Variants in ADGRF4 observed in about 807,000 individuals in gnomAD.
The protein encoded by ADGRF4 is G-protein coupled receptor PGR18.
ADGRF4 carries 63 observed loss-of-function variants against 58.5 expected under a neutral mutation model. The ratio of observed to expected loss-of-function variants is 1.08; its 90% CI spans 0.88 to 1.33. The LOEUF is 1.33. Among genes scored for constraint, ADGRF4 ranks in the 40% most tolerant of loss-of-function variants. ADGRF4 has a pLI of 0.00. For missense variants in ADGRF4, 931 were observed against 843.9 expected (o/e 1.10, Z -1.28); for synonymous variants, 313 against 295.4 (o/e 1.06, Z -0.61).
chr6:47,722,001 A>G lies in ADGRF4; in HGVS notation c.*796A>G, dbSNP rs2113913107. On this transcript the variant is annotated 3_prime_UTR_variant, in exon 10 of 10. Coordinates refer to ENST00000283303, the MANE Select transcript of ADGRF4 (RefSeq NM_153838.5). ...GTTGTTATTTTAGACATAAACGAAT[A>G]TATGTACCTTTCACAACTTGCGCAT... The G allele has an allele frequency of 6.6e-6, 1 of 152,308 alleles. No homozygotes were observed. The highest frequency in any genetic ancestry group is 1.5e-5 in the Non-Finnish European group (1 of 68,028). 9.4% of individuals were successfully genotyped at this position (152,308 alleles called of 1,614,324 possible). A position where few individuals can be genotyped will look rare whatever the true frequency, so the allele number is the denominator to read the frequency against.
At chr6:47,719,539 TAG>T (rs1177508551) in intron 9 of ADGRF4, among the ~76,000 whole-genome samples, 1 of 152,180 alleles carries the variant, frequency 6.6e-6, no homozygotes, top group East Asian at 1.9e-4. Flanking sequence ...TTGCCACTAA[TAG>T]AGAGTCATTA....
chr6:47,711,914 G>T (rs983039553), intron 4 of ADGRF4, among the ~76,000 whole-genome samples: 2 of 152,166 alleles, frequency 1.3e-5, no homozygotes, highest in African/African-American at 4.8e-5. Flanking sequence ...CATTCTGAGT[G>T]AGTCTAGGTA....
intron 1 of ADGRF4, among the ~76,000 whole-genome samples, chr6:47,704,002 TG>T (rs1771648096): frequency 6.6e-6 from 1 of 151,904 alleles, no homozygotes; most frequent in African/African-American, 2.4e-5. Flanking sequence ...TTAAAGGTAA[TG>T]GACAGTAAAC....
intron 4 of ADGRF4, 56 bp from the exon 5 acceptor site, chr6:47,712,301 T>G (rs914180894): frequency 1.7e-5 from 27 of 1,563,538 alleles, no homozygotes; most frequent in Non-Finnish European, 2.3e-5. Flanking sequence ...TCCTTTAGTC[T>G]GATACATGGT....
chr6:47,706,331 A>G (rs1771708863), intron 1 of ADGRF4, among the ~76,000 whole-genome samples: 1 of 152,200 alleles, frequency 6.6e-6, no homozygotes, highest in Non-Finnish European at 1.5e-5. Flanking sequence ...ATGGCAAAAG[A>G]ATAGAGAGTT....
At chr6:47,698,856 A>G (rs916475537) in intron 1 of ADGRF4, 62 bp downstream of exon 1, 4 of 152,146 alleles carry the variant, frequency 2.6e-5, no homozygotes, top group African/African-American at 7.2e-5. Flanking sequence ...TTTTGCACAT[A>G]TTCCAGGAGG....
intron 9 of ADGRF4, among the ~76,000 whole-genome samples, chr6:47,720,310 G>A (rs977257463): frequency 1.3e-5 from 2 of 152,134 alleles, no homozygotes; most frequent in African/African-American, 4.8e-5. Flanking sequence ...GCTGAACCAC[G>A]AGGGAAGGCA....
At chr6:47,699,542 T>A (rs1295687355) in intron 1 of ADGRF4, among the ~76,000 whole-genome samples, 1 of 152,252 alleles carries the variant, frequency 6.6e-6, no homozygotes, top group African/African-American at 2.4e-5. Context: ...TCTGAAATTA[T>A]GTGATTCTTG....
intron 6 of ADGRF4, 156 bp downstream of exon 6, chr6:47,715,333 G>A (rs1173320840): frequency 3.3e-6 from 2 of 606,746 alleles, no homozygotes; most frequent in Admixed American, 6.3e-5. Context: ...TGATTGTCAA[G>A]TTGAATTTAG....
rs761435040 is a variant in ADGRF4, at chr6:47,714,430, G to C, written c.1185G>C (p.Ser395=). 2 of 1,614,062 alleles carry C rather than the reference G, an allele frequency of 1.2e-6. No individual in the cohort carries two copies. Among genetic ancestry groups the C allele is most frequent in the Non-Finnish European group, 1.7e-6 (2 of 1,180,020 alleles). ...MSFSILMSSK[S]MTDKVLDYIT... is the part of the protein sequence containing the mutation. ...TTTCCATTCTCATGTCCTCCAAATCGATGACCGACAAAGTTCTGGACTACA... is the reference window on the plus strand; with the variant it reads ...TTTCCATTCTCATGTCCTCCAAATCCATGACCGACAAAGTTCTGGACTACA... The change falls in exon 6 of 10, where the codon TCG becomes TCC. Residue 395 remains serine, a synonymous_variant. Transcript: ENST00000283303.
chr6:47,719,852 G>A lies in ADGRF4; in HGVS notation c.*4-1357G>A, dbSNP rs141679214. Among the ~76,000 whole-genome samples, 66 of 152,326 alleles carry A rather than the reference G, an allele frequency of 4.3e-4. 1 individual carries two copies. The highest frequency in any genetic ancestry group is 8.1e-4 in the Non-Finnish European group (55 of 68,016). On this transcript the variant is annotated intron_variant, in intron 9 of 9. Coordinates refer to ENST00000283303, the MANE Select transcript of ADGRF4 (RefSeq NM_153838.5). ...CTGCCAGTATTAGAAGGAAGTCCAG[G>A]AAGGAGGTGGAATGCCCTTACAATA...
rs772663903 is a variant in ADGRF4, at chr6:47,714,423, C to T, written c.1178C>T (p.Ser393Phe). ...VVMSFSILMSSKSMTDKVLDY... is the reference protein window; with the variant it reads ...VVMSFSILMSFKSMTDKVLDY... The stretch of plus-strand genomic sequence containing the variant: ...ATGTCTTTTTCCATTCTCATGTCCT[C>T]CAAATCGATGACCGACAAAGTTCTG... Residue 393 changes from serine (S) to phenylalanine (F), a missense_variant, in exon 6 of 10, where the codon TCC becomes TTC. Physicochemically the swap from Ser to Phe is radical, Grantham distance 155 (BLOSUM62 -2). Transcript: ENST00000283303. 6.2e-7 allele frequency: 1 copy of T among 1,614,088 alleles called. No homozygotes were observed. Among genetic ancestry groups the T allele is most frequent in the East Asian group, 2.2e-5 (1 of 44,856 alleles).
intron 1 of ADGRF4, among the ~76,000 whole-genome samples, chr6:47,701,611 A>G (rs1771588781): frequency 6.6e-6 from 1 of 152,090 alleles, no homozygotes; most frequent in Admixed American, 6.5e-5. Flanking sequence ...TTAATTCTTC[A>G]TTTCTGAAAC....
At chr6:47,704,315 G>A (rs958005253) in intron 1 of ADGRF4, among the ~76,000 whole-genome samples, 2 of 152,136 alleles carry the variant, frequency 1.3e-5, no homozygotes, top group African/African-American at 4.8e-5. Context: ...ACAGGGATGA[G>A]CCACTGCACC....
At chr6:47,715,839 T>C (rs1324341148) in intron 6 of ADGRF4, among the ~76,000 whole-genome samples, 1 of 152,176 alleles carries the variant, frequency 6.6e-6, no homozygotes, top group Non-Finnish European at 1.5e-5. Context: ...TTTAAAAGCA[T>C]GATACAAAAT....
intron 1 of ADGRF4, among the ~76,000 whole-genome samples, chr6:47,706,983 G>A (rs6938029): frequency 0.57 from 87,090 of 152,112 alleles, 25,764 homozygotes; most frequent in Middle Eastern, 0.69. Flanking sequence ...AACTACATCC[G>A]TTCTGGTTCT....
In ADGRF4 at chr6:47,699,768, C is replaced by A. The variant is rs190952007; in HGVS notation, c.-17+974C>A. The stretch of plus-strand genomic sequence containing the variant: ...AACTAAATAGATTCTGCTATGAGGG[C>A]AAGAGATACTGGGTCTTAAACACAT... On this transcript the variant is annotated intron_variant, in intron 1 of 9. Transcript: ENST00000283303. Among the ~76,000 whole-genome samples the A allele has an allele frequency of 1.5e-3, 225 of 152,226 alleles. 1 individual carries two copies. The highest frequency in any genetic ancestry group is 5.1e-3 in the African/African-American group (212 of 41,514).
intron 8 of ADGRF4, 60 bp from the exon 9 acceptor site, chr6:47,718,329 G>A (rs1371144125): frequency 2.0e-5 from 17 of 863,220 alleles, no homozygotes; most frequent in Non-Finnish European, 3.2e-5. Context: ...TCTAGAGAGG[G>A]ATATACATTT....
At chr6:47,717,138 A>C (rs891132373) in intron 7 of ADGRF4, among the ~76,000 whole-genome samples, 154 bp from the exon 8 acceptor site, 1 of 152,170 alleles carries the variant, frequency 6.6e-6, no homozygotes, top group African/African-American at 2.4e-5. Context: ...ATTACACCCT[A>C]GCTTTTATCC....
Sources: allele counts gnomAD v4.1 joint callset (sites outside exome capture counted in the v4.1 genomes callset), GRCh38; gene constraint gnomAD v4.1.1; transcripts MANE v1.5; gene names NCBI Gene and HGNC (gene_info 2026-07-23, HGNC 2026-07-21).